The following PHTF2 variants were observed in gnomAD, a reference collection of about 807,000 sequenced individuals.
The protein encoded by PHTF2 is putative homeodomain transcription factor 2.
In PHTF2, 60 loss-of-function variants were observed where a neutral mutation model predicts 101.2. The ratio of observed to expected loss-of-function variants is 0.59; its 90% CI spans 0.48 to 0.73. PHTF2 has a LOEUF of 0.73. Ranked by LOEUF, PHTF2 falls within the 30% of genes least tolerant of loss-of-function variation. PHTF2 has a pLI of 0.00. For missense variants in PHTF2, 747 were observed against 908.7 expected (o/e 0.82, Z 2.29); for synonymous variants, 311 against 307.3 (o/e 1.01, Z -0.13).
chr7:77,917,225 A>G (rs1414319312), intron 9 of PHTF2, among the ~76,000 whole-genome samples: 1 of 152,186 alleles, frequency 6.6e-6, no homozygotes, highest in East Asian at 1.9e-4. Context: ...TATCCGACAT[A>G]TCTGTATCAG....
At chr7:77,881,766 A>C (rs1584580039) in intron 3 of PHTF2, among the ~76,000 whole-genome samples, 1 of 151,982 alleles carries the variant, frequency 6.6e-6, no homozygotes, top group African/African-American at 2.4e-5. Flanking sequence ...TGTCATCTTT[A>C]TTTCTTTCTC....
intron 3 of PHTF2, among the ~76,000 whole-genome samples, chr7:77,884,389 C>CCTA (rs1169058722): frequency 1.3e-5 from 2 of 152,050 alleles, no homozygotes; most frequent in African/African-American, 4.8e-5. Flanking sequence ...CCCTTCCCAC[C>CCTA]CTACCCCTTC....
At chr7:77,811,846 C>G (rs1793468196) in intron 1 of PHTF2, among the ~76,000 whole-genome samples, 1 of 152,054 alleles carries the variant, frequency 6.6e-6, no homozygotes, top group Non-Finnish European at 1.5e-5. Context: ...TCTAGGCCCT[C>G]TCAGTGGACG....
At chr7:77,922,710 G>C in exon 11 of PHTF2, 4 of 1,609,566 alleles carry the variant, frequency 2.5e-6, no homozygotes, top group Non-Finnish European at 3.4e-6. Context: ...TCGTCATGTG[G>C]ACAGGACTTC....
intron 3 of PHTF2, among the ~76,000 whole-genome samples, chr7:77,862,176 T>G (rs1418467138): frequency 2.2e-4 from 33 of 152,304 alleles, no homozygotes; most frequent in Non-Finnish European, 7.3e-5. Flanking sequence ...TCTATAGTTC[T>G]CCTTAGTATA....
intron 17 of PHTF2, among the ~76,000 whole-genome samples, chr7:77,950,053 A>G (rs1328624031): frequency 6.6e-6 from 1 of 152,188 alleles, no homozygotes; most frequent in Non-Finnish European, 1.5e-5. Context: ...TTTATTTGAC[A>G]AGAAGGAAGT....
intron 1 of PHTF2, among the ~76,000 whole-genome samples, chr7:77,814,572 C>T (rs1467221876): frequency 1.4e-5 from 2 of 147,892 alleles, no homozygotes; most frequent in East Asian, 2.0e-4. Context: ...AGTGCAGTGG[C>T]GCAATCTCAG....
At chr7:77,866,310 TG>T (rs1301037725) in intron 3 of PHTF2, among the ~76,000 whole-genome samples, 1 of 152,164 alleles carries the variant, frequency 6.6e-6, no homozygotes, top group Non-Finnish European at 1.5e-5. Context: ...CAAATCAGTT[TG>T]GGAAATATTG....
chr7:77,867,555 CT>C (rs1170060139), intron 3 of PHTF2, among the ~76,000 whole-genome samples: 1 of 152,176 alleles, frequency 6.6e-6, no homozygotes, highest in East Asian at 1.9e-4. Flanking sequence ...CTTATTATTG[CT>C]GTTATTGTAA....
chr7:77,949,230 C>T (rs1346055627), intron 16 of PHTF2, among the ~76,000 whole-genome samples: 1 of 151,786 alleles, frequency 6.6e-6, no homozygotes, highest in Non-Finnish European at 1.5e-5. Flanking sequence ...TTTATATAAA[C>T]TTTTTCCTTT....
intron 3 of PHTF2, among the ~76,000 whole-genome samples, chr7:77,886,018 T>C (rs143354736): frequency 5.8e-4 from 88 of 152,332 alleles, no homozygotes; most frequent in African/African-American, 2.0e-3. Context: ...TGTTCATTAG[T>C]TAAGGAAACT....
At chr7:77,899,975 G>T (rs187635403) in intron 5 of PHTF2, among the ~76,000 whole-genome samples, 1 of 128,640 alleles carries the variant, frequency 7.8e-6, no homozygotes, top group Admixed American at 7.5e-5. Flanking sequence ...TTTGTTATAG[G>T]TTTTTTTTTC....
rs537908053 is a variant in PHTF2, at chr7:77,891,197, C to A, written c.148-2411C>A. ...GTGCTAGGATTACAGGCATGAGCCA[C>A]CATACCCAGCCTAAAAAAATAAATT... is the stretch of plus-strand genomic sequence containing the variant. On this transcript the variant is annotated intron_variant, in intron 3 of 19. Coordinates refer to ENST00000416283, the Ensembl canonical transcript of PHTF2. Among the ~76,000 whole-genome samples the A allele has an allele frequency of 8.1e-4, 124 of 152,208 alleles. 1 individual carries two copies. The highest frequency in any genetic ancestry group is 2.5e-3 in the African/African-American group (103 of 41,546).
intron 3 of PHTF2, among the ~76,000 whole-genome samples, chr7:77,877,832 A>C (rs1055033685): frequency 1.3e-5 from 2 of 152,114 alleles, no homozygotes; most frequent in Non-Finnish European, 2.9e-5. Context: ...AGTTAATGTT[A>C]ATTTTATTCC....
chr7:77,866,751 AT>A (rs1183214105), intron 3 of PHTF2, among the ~76,000 whole-genome samples: 1 of 152,216 alleles, frequency 6.6e-6, no homozygotes, highest in Non-Finnish European at 1.5e-5. Context: ...TATTTTTGGC[AT>A]TTAAATTGCC....
chr7:77,848,789 A>G (rs1159145437), intron 2 of PHTF2, among the ~76,000 whole-genome samples: 2 of 152,206 alleles, frequency 1.3e-5, no homozygotes, highest in African/African-American at 4.8e-5. Context: ...CCAGTCCATT[A>G]TCTTGGAGAG....
At chr7:77,888,247 T>C (rs745398338) in intron 3 of PHTF2, among the ~76,000 whole-genome samples, 4 of 152,206 alleles carry the variant, frequency 2.6e-5, no homozygotes, top group Non-Finnish European at 5.9e-5. Flanking sequence ...CCCAAGTAGC[T>C]GGGATTACAG....
At position 77,878,259 on chromosome 7, in the gene PHTF2, T is replaced by A. The variant is rs145446240; in HGVS notation, c.148-15349T>A. Among the ~76,000 whole-genome samples, 44 of 152,090 alleles carry A rather than the reference T, an allele frequency of 2.9e-4. 1 individual carries two copies. The East Asian group carries it at 8.5e-3, about 30-fold the overall frequency. Reference sequence around the variant, plus strand: ...GGGCTAGGGAATAGGAAATGCTGATTGGTTGGATCAGGGATGAAATCATAG... The same window carrying A: ...GGGCTAGGGAATAGGAAATGCTGATAGGTTGGATCAGGGATGAAATCATAG... On this transcript the variant is annotated intron_variant, in intron 3 of 19. Transcript: ENST00000416283.
chr7:77,954,380 C>T (rs1806801317), intron 19 of PHTF2, among the ~76,000 whole-genome samples: 1 of 152,014 alleles, frequency 6.6e-6, no homozygotes, highest in East Asian at 1.9e-4. Context: ...GTGATACACC[C>T]ACCTTGGCCT....
Sources: allele counts gnomAD v4.1 joint callset (sites outside exome capture counted in the v4.1 genomes callset), GRCh38; gene constraint gnomAD v4.1.1; transcripts MANE v1.5; gene names NCBI Gene and HGNC (gene_info 2026-07-23, HGNC 2026-07-21).